NRXN3: variants seen among roughly 807,000 people sequenced by gnomAD.
NRXN3 encodes neurexin III.
NRXN3 carries 32 observed loss-of-function variants against 137.6 expected under a neutral mutation model. That is an observed-to-expected ratio of 0.23 (90% CI 0.18 to 0.31). The LOEUF (loss-of-function observed/expected upper bound fraction) is 0.31, where lower values mean the gene tolerates loss of function less well. NRXN3 is among the 10% of genes least tolerant of loss of function. The pLI is 1.00. For synonymous variants in NRXN3, 798 were observed against 784.5 expected, an observed-to-expected ratio of 1.02 and a Z score of -0.29; for missense variants, 1,574 against 2,062.5, an observed-to-expected ratio of 0.76 and a Z score of 4.59.
intron 16 of NRXN3, 58 bp downstream of exon 16, chr14:79,467,460 T>C: frequency 2.7e-6 from 4 of 1,459,798 alleles, no homozygotes; most frequent in Non-Finnish European, 3.8e-6. Flanking sequence ...GAGTTAGTGA[T>C]TCAGGTAGAC....
intron 20 of NRXN3, among the ~76,000 whole-genome samples, chr14:79,827,819 C>G (rs1331755081): frequency 6.6e-6 from 1 of 151,906 alleles, no homozygotes; most frequent in Admixed American, 6.6e-5. Context: ...CTCAGCCTCC[C>G]CAGTAGCTGG....
chr14:78,825,245 A>G (rs1272700064), intron 10 of NRXN3, among the ~76,000 whole-genome samples: 4 of 151,346 alleles, frequency 2.6e-5, no homozygotes, highest in Non-Finnish European at 5.9e-5. Context: ...ATTTGCACCC[A>G]TTCCTGTATT....
intron 15 of NRXN3, among the ~76,000 whole-genome samples, chr14:79,257,343 C>G (rs866636050): frequency 7.9e-5 from 1 of 12,704 alleles, no homozygotes; most frequent in South Asian, 3.3e-3. Flanking sequence ...TGTCTTATTC[C>G]TGGTGGTGGT....
chr14:78,800,873 G>GAAT (rs2098836779), intron 8 of NRXN3, among the ~76,000 whole-genome samples: 1 of 152,178 alleles, frequency 6.6e-6, no homozygotes, highest in Non-Finnish European at 1.5e-5. Flanking sequence ...AAGCACAGAA[G>GAAT]AATATATCAT....
intron 4 of NRXN3, among the ~76,000 whole-genome samples, chr14:78,627,113 T>C (rs2097470013): frequency 2.7e-5 from 2 of 74,550 alleles, no homozygotes; most frequent in Non-Finnish European, 4.9e-5. Flanking sequence ...CTTCTCTCTC[T>C]CTCTCTCTCT....
In NRXN3 at chr14:79,861,221, A is replaced by T; in HGVS notation, c.4094-121A>T. ...GTTACCTTGCTTGTCGGACCAAGGC[A>T]GCGATGGTTGTGATGATGATGGCTT... is the stretch of plus-strand genomic sequence containing the variant. On this transcript the variant is annotated intron_variant, in intron 20 of 20. Transcript: ENST00000335750. The surrounding 1 kb of genome is among the most constrained non-coding windows in gnomAD (Gnocchi z 5.4). 6.5e-7 allele frequency: 1 copy of T among 1,534,436 alleles called. No individual in the cohort carries two copies. The highest frequency in any genetic ancestry group is 8.7e-7 in the Non-Finnish European group (1 of 1,146,082).
intron 20 of NRXN3, among the ~76,000 whole-genome samples, chr14:79,810,849 C>T (rs913990139): frequency 4.6e-5 from 7 of 152,076 alleles, no homozygotes; most frequent in Admixed American, 3.9e-4. Flanking sequence ...AATAATTTTC[C>T]AGTGAAGGAT....
At chr14:79,277,458 G>T (rs965439792) in intron 15 of NRXN3, among the ~76,000 whole-genome samples, 3 of 152,142 alleles carry the variant, frequency 2.0e-5, no homozygotes, top group African/African-American at 7.2e-5. Flanking sequence ...ATTTTTTCTG[G>T]CTTTTCTAGC....
intron 4 of NRXN3, among the ~76,000 whole-genome samples, chr14:78,348,647 C>A (rs1335102001): frequency 6.6e-6 from 1 of 152,152 alleles, no homozygotes; most frequent in Non-Finnish European, 1.5e-5. Flanking sequence ...AAAGTGTGGT[C>A]CCCGGACCAA....
chr14:78,375,275 T>G (rs1430907206), intron 4 of NRXN3, among the ~76,000 whole-genome samples: 1 of 152,246 alleles, frequency 6.6e-6, no homozygotes, highest in Admixed American at 6.5e-5. Context: ...CTTTGCAAAT[T>G]AACCGTAGGG....
intron 8 of NRXN3, among the ~76,000 whole-genome samples, chr14:78,740,383 C>CTT (rs11389704): frequency 1.4e-3 from 209 of 148,276 alleles, no homozygotes; most frequent in Middle Eastern, 3.5e-3. Flanking sequence ...CCCTTGTCTC[C>CTT]TTTTTTTTTT....
At chr14:78,372,524 A>G (rs2087049505) in intron 4 of NRXN3, among the ~76,000 whole-genome samples, 1 of 152,016 alleles carries the variant, frequency 6.6e-6, no homozygotes. Context: ...ATAGGGTTTC[A>G]CCATGTTGGC....
chr14:79,072,525 A>G (rs1045657326), intron 15 of NRXN3: 3 of 152,310 alleles, frequency 2.0e-5, no homozygotes, highest in African/African-American at 7.2e-5. Flanking sequence ...AAGTAATACT[A>G]TGGTATAGCA....
intron 15 of NRXN3, among the ~76,000 whole-genome samples, chr14:79,289,701 G>T (rs2082850088): frequency 6.6e-6 from 1 of 152,188 alleles, no homozygotes; most frequent in Non-Finnish European, 1.5e-5. Flanking sequence ...GGTGTGTTCT[G>T]AAGGCTTCCT....
At position 78,568,961 on chromosome 14, in the gene NRXN3, G is replaced by GTTTTTTT. The variant is rs34485878; in HGVS notation, c.758-76141_758-76135dup. Among the ~76,000 whole-genome samples the GTTTTTTT allele has an allele frequency of 2.7e-3, 280 of 103,730 alleles. 6 individuals are homozygous for GTTTTTTT. Among genetic ancestry groups the GTTTTTTT allele is most frequent in the African/African-American group, 5.2e-3 (128 of 24,446 alleles). 68.1% of individuals were successfully genotyped at this position (103,730 alleles called of 152,430 possible). On this transcript the variant is annotated intron_variant, in intron 4 of 20. Coordinates refer to ENST00000335750, the MANE Select transcript of NRXN3 (RefSeq NM_001330195.2). ...TGTGGTGGGAAATATGACTTTGCAG[G>GTTTTTTT]TTTTTTTTTTTTTTTTTTTTTTTTG...
intron 15 of NRXN3, among the ~76,000 whole-genome samples, chr14:79,380,354 C>G (rs1353256831): frequency 1.3e-5 from 2 of 151,358 alleles, no homozygotes; most frequent in East Asian, 3.9e-4. Context: ...CCCTTCCCCC[C>G]ACCCCACAAC....
chr14:79,792,810 T>C (rs2099149431), intron 19 of NRXN3, among the ~76,000 whole-genome samples: 1 of 152,222 alleles, frequency 6.6e-6, no homozygotes, highest in South Asian at 2.1e-4. Flanking sequence ...CAAAGGTTCT[T>C]GATTCCCTGT....
At chr14:78,299,993 A>G (rs565271004) in intron 4 of NRXN3, among the ~76,000 whole-genome samples, 3 of 152,180 alleles carry the variant, frequency 2.0e-5, no homozygotes, top group East Asian at 1.9e-4. Flanking sequence ...CATTCTTTCC[A>G]TTTCCTATCC....
At chr14:78,767,710 C>T (rs958979208) in intron 8 of NRXN3, among the ~76,000 whole-genome samples, 4 of 152,140 alleles carry the variant, frequency 2.6e-5, no homozygotes, top group Admixed American at 2.0e-4. Context: ...CCTGTGGGTT[C>T]ACACTTAGTC....
Sources: gnomAD v4.1 joint callset for allele counts (sites outside exome capture counted in the v4.1 genomes callset) on GRCh38, gnomAD v4.1.1 for gene constraint, Gnocchi (gnomAD v3.1) non-coding constraint, MANE v1.5 for transcripts, NCBI Gene and HGNC (gene_info 2026-07-23, HGNC 2026-07-21) for gene names.